MARCHF1: variants seen among roughly 807,000 people sequenced by gnomAD.
MARCHF1 encodes E3 ubiquitin-protein ligase MARCHF1.
Under a neutral mutation model 54.2 loss-of-function variants are expected in MARCHF1, and 40 were observed. The ratio of observed to expected loss-of-function variants is 0.74; its 90% CI spans 0.57 to 0.96. The LOEUF is 0.96. MARCHF1 is among the 40% of genes least tolerant of loss of function. MARCHF1 has a pLI of 0.00. For missense variants in MARCHF1, 586 were observed against 656.5 expected, an observed-to-expected ratio of 0.89 and a Z score of 1.17; for synonymous variants, 236 against 236.3, an observed-to-expected ratio of 1.00 and a Z score of 0.01.
At chr4:163,580,481 CAG>C (rs1740193519) in intron 8 of MARCHF1, among the ~76,000 whole-genome samples, 1 of 152,100 alleles carries the variant, frequency 6.6e-6, no homozygotes, top group Admixed American at 6.5e-5. Context: ...ATTGGAGAAA[CAG>C]AAATGACAGC....
chr4:164,190,061 T>C (rs1225087936), intron 1 of MARCHF1: 2 of 1,391,914 alleles, frequency 1.4e-6, no homozygotes, highest in Non-Finnish European at 2.0e-6. Context: ...ATACTACAAA[T>C]GAGCTGGAAA....
intron 3 of MARCHF1, among the ~76,000 whole-genome samples, chr4:163,935,702 C>CTTTTTTTTTT (rs34331599): frequency 2.5e-4 from 31 of 125,630 alleles, no homozygotes; most frequent in Non-Finnish European, 3.9e-4. Flanking sequence ...TGCTTGCTTT[C>CTTTTTTTTTT]TTTTTTTTTT....
chr4:164,300,601 G>C (rs1228931438), intron 1 of MARCHF1, among the ~76,000 whole-genome samples: 1 of 152,088 alleles, frequency 6.6e-6, no homozygotes, highest in Non-Finnish European at 1.5e-5. Context: ...AGCTATAGGG[G>C]AGTGATCTCA....
chr4:164,194,586 T>G (rs1731203260), intron 1 of MARCHF1, among the ~76,000 whole-genome samples: 1 of 152,198 alleles, frequency 6.6e-6, no homozygotes, highest in African/African-American at 2.4e-5. Context: ...ATCTCTTGAT[T>G]GTATGCTGTC....
chr4:163,613,464 C>T, intron 5 of MARCHF1, 71 bp from the exon 6 acceptor site: 1 of 1,611,988 alleles, frequency 6.2e-7, no homozygotes, highest in South Asian at 1.1e-5. Flanking sequence ...GCTTTTTTTC[C>T]ACATATTTAA....
intron 5 of MARCHF1, 107 bp downstream of exon 5, chr4:163,700,706 T>G (rs879280656): frequency 3.1e-5 from 26 of 827,274 alleles, no homozygotes; most frequent in Admixed American, 8.7e-5. Context: ...ACAAATCACA[T>G]TTGTGTTCTG....
intron 4 of MARCHF1, among the ~76,000 whole-genome samples, chr4:163,765,589 A>T (rs1746951038): frequency 6.6e-6 from 1 of 152,112 alleles, no homozygotes; most frequent in African/African-American, 2.4e-5. Flanking sequence ...TGTGCTACAC[A>T]TTCTTGACAT....
chr4:164,056,702 A>T (rs1754497402), intron 2 of MARCHF1, among the ~76,000 whole-genome samples: 2 of 152,226 alleles, frequency 1.3e-5, no homozygotes, highest in Non-Finnish European at 2.9e-5. Flanking sequence ...GCTCAGCAAG[A>T]GAACTCACTT....
intron 2 of MARCHF1, among the ~76,000 whole-genome samples, chr4:164,069,294 G>T (rs999062379): frequency 6.6e-6 from 1 of 152,186 alleles, no homozygotes; most frequent in African/African-American, 2.4e-5. Flanking sequence ...TGTGGGTGGG[G>T]CCAGATAAGA....
chr4:164,287,297 A>C (rs1051997849), intron 1 of MARCHF1, among the ~76,000 whole-genome samples: 1 of 152,070 alleles, frequency 6.6e-6, no homozygotes, highest in Non-Finnish European at 1.5e-5. Flanking sequence ...ATCCTTAGAG[A>C]AGGTGAACTT....
chr4:163,894,020 A>G (rs888841033), intron 3 of MARCHF1, among the ~76,000 whole-genome samples: 1 of 152,160 alleles, frequency 6.6e-6, no homozygotes, highest in Non-Finnish European at 1.5e-5. Context: ...ACTTTATGAC[A>G]CCTCAATTAA....
chr4:163,885,444 T>A (rs1485096660), intron 3 of MARCHF1, among the ~76,000 whole-genome samples: 1 of 152,038 alleles, frequency 6.6e-6, no homozygotes, highest in African/African-American at 2.4e-5. Context: ...GAAAAAGGAA[T>A]AACAAGATCT....
intron 1 of MARCHF1, among the ~76,000 whole-genome samples, chr4:164,341,635 G>A (rs992853696): frequency 2.6e-5 from 4 of 152,198 alleles, no homozygotes; most frequent in African/African-American, 9.6e-5. Flanking sequence ...AGGTTGCTGT[G>A]TCATCATGTG....
chr4:164,160,295 G>A (rs536431124), intron 1 of MARCHF1, among the ~76,000 whole-genome samples: 16 of 152,174 alleles, frequency 1.1e-4, no homozygotes, highest in African/African-American at 3.9e-4. Flanking sequence ...AGGCTAAATG[G>A]TATAGCCTAT....
intron 1 of MARCHF1, among the ~76,000 whole-genome samples, chr4:164,211,746 G>A (rs6822202): frequency 0.087 from 13,222 of 151,860 alleles, 889 homozygotes; most frequent in East Asian, 0.17. Context: ...TAGTAGGTAC[G>A]GATGCCATCT....
intron 1 of MARCHF1, among the ~76,000 whole-genome samples, chr4:164,199,667 C>CAGAGAG (rs1208293559): frequency 1.6e-5 from 1 of 62,270 alleles, no homozygotes. Context: ...CACACACACA[C>CAGAGAG]ACACACACAC....
At chr4:164,008,911 C>A (rs13148064) in intron 2 of MARCHF1, among the ~76,000 whole-genome samples, 61,110 of 151,532 alleles carry the variant, frequency 0.4, 12,554 homozygotes, top group Middle Eastern at 0.53. Context: ...TAATAATGCA[C>A]CTCAAGGAAT....
At chr4:163,669,601 CT>C (rs11338534) in intron 5 of MARCHF1, among the ~76,000 whole-genome samples, 86,879 of 141,550 alleles carry the variant, frequency 0.61, 26,099 homozygotes, top group Admixed American at 0.64. Flanking sequence ...AGATGTTTAT[CT>C]TTTTTTTTTT....
chr4:163,999,045 C>T (rs1753135078), intron 2 of MARCHF1, among the ~76,000 whole-genome samples: 1 of 151,526 alleles, frequency 6.6e-6, no homozygotes, highest in Admixed American at 6.6e-5. Flanking sequence ...CCTAGGACTG[C>T]ACTAATTTAC....
Sources: allele counts gnomAD v4.1 joint callset (sites outside exome capture counted in the v4.1 genomes callset), GRCh38; gene constraint gnomAD v4.1.1; transcripts MANE v1.5; gene names NCBI Gene and HGNC (gene_info 2026-07-23, HGNC 2026-07-21).